Variants in GBP1 observed in about 807,000 individuals in gnomAD.
The protein encoded by GBP1 is guanylate binding protein 1.
In GBP1, 64 loss-of-function variants were observed where a neutral mutation model predicts 69.5. The ratio of observed to expected loss-of-function variants is 0.92; its 90% CI spans 0.75 to 1.13. GBP1 has a LOEUF of 1.13. Among genes scored for constraint, GBP1 ranks in the 50% most tolerant of loss-of-function variants. The pLI is 0.00. For synonymous variants in GBP1, 250 were observed against 261.2 expected, an observed-to-expected ratio of 0.96 and a Z score of 0.41; for missense variants, 630 against 704.1, an observed-to-expected ratio of 0.89 and a Z score of 1.19.
At position 89,056,837 on chromosome 1, in the gene GBP1, T is replaced by A. The variant is rs1273814922; in HGVS notation, c.1155+17A>T. The A allele has an allele frequency of 6.2e-7, 1 of 1,612,712 alleles. No homozygotes were observed. Among genetic ancestry groups the A allele is most frequent in the South Asian group, 1.1e-5 (1 of 91,040 alleles). On this transcript the variant is annotated intron_variant, in intron 7 of 10. Coordinates refer to ENST00000370473, the MANE Select transcript of GBP1 (RefSeq NM_002053.3). ...CTTCTATGACCCTAAACCGTATACA[T>A]TTGAGACAAAAATTACCGCTAACTC...
intron 5 of GBP1, 123 bp downstream of exon 5, chr1:89,058,718 C>G: frequency 1.1e-6 from 1 of 925,300 alleles, no homozygotes; most frequent in Non-Finnish European, 1.7e-6. Flanking sequence ...GTATTAATTT[C>G]TAGGAATAGC....
In GBP1 at chr1:89,057,995, G is replaced by T; in HGVS notation, c.871C>A (p.Pro291Thr). ...AAGTACTAGGAAGGGGACTTACGAG[G>T]CCCGTTGACCTGGATGCCTCCTGAA... ...TLSGGIQVNG[P>T]RLESLVLTYV... Residue 291 changes from proline to threonine, a missense_variant, in exon 6 of 11, where the codon CCT becomes ACT. Pro to Thr is a conservative substitution (Grantham distance 38). Around this residue, in one of 5 missense-constraint regions of GBP1, gnomAD observed 367 missense variants for 369.5 expected, o/e 0.99. Transcript: ENST00000370473. 1.9e-6 allele frequency: 3 copies of T among 1,610,256 alleles called. No homozygotes were observed. The highest frequency in any genetic ancestry group is 2.2e-5 in the East Asian group (1 of 44,826).
chr1:89,054,427 G>C (rs1309802096), intron 10 of GBP1, among the ~76,000 whole-genome samples: 1 of 152,142 alleles, frequency 6.6e-6, no homozygotes, highest in Admixed American at 6.5e-5. Flanking sequence ...ATGATGCCTA[G>C]CAGATAATAG....
In GBP1 at chr1:89,059,044, C is replaced by G; in HGVS notation, c.429-1G>C. ...TCTATGTGTCAGCTCTGTCACATAG[C>G]TGAGTAGCTAACTAAGGAAATGTGA... On this transcript the variant is annotated splice_acceptor_variant, in intron 4 of 10. Coordinates refer to ENST00000370473, the MANE Select transcript of GBP1 (RefSeq NM_002053.3). LOFTEE classifies it high-confidence loss of function. The G allele has an allele frequency of 2.5e-6, 4 of 1,614,148 alleles. No individual in the cohort carries two copies. The highest frequency in any genetic ancestry group is 3.4e-6 in the Non-Finnish European group (4 of 1,180,016).
chr1:89,057,909 T>C (rs527544203), intron 6 of GBP1, 83 bp downstream of exon 6: 3 of 1,405,902 alleles, frequency 2.1e-6, no homozygotes, highest in South Asian at 1.5e-5. Flanking sequence ...GATTGGGATT[T>C]TTCAATGCTG....
intron 9 of GBP1, 79 bp from the exon 10 acceptor site, chr1:89,054,954 T>C: frequency 2.0e-6 from 3 of 1,520,088 alleles, no homozygotes; most frequent in Non-Finnish European, 2.7e-6. Context: ...TTACCTGTCG[T>C]TGTTGCTGAC....
intron 4 of GBP1, 122 bp from the exon 5 acceptor site, chr1:89,059,165 A>T: frequency 6.3e-7 from 1 of 1,587,178 alleles, no homozygotes. Flanking sequence ...GTCAGTTCTA[A>T]AGTGGATACA....
At chr1:89,064,424 G>A (rs1680285390) in intron 1 of GBP1, among the ~76,000 whole-genome samples, 1 of 152,096 alleles carries the variant, frequency 6.6e-6, no homozygotes, top group African/African-American at 2.4e-5. Flanking sequence ...CATTACAGGA[G>A]AATTAAAGAG....
chr1:89,055,086 C>T (rs988978127), intron 9 of GBP1, 27 bp downstream of exon 9: 1 of 1,591,596 alleles, frequency 6.3e-7, no homozygotes, highest in African/African-American at 1.4e-5. Context: ...CTTTTGAGGC[C>T]ATCTAATCTC....
chr1:89,059,062 A>C lies in GBP1; in HGVS notation c.429-19T>G. 1 of 1,613,884 alleles carries C rather than the reference A, an allele frequency of 6.2e-7. No homozygotes were observed. The highest frequency in any genetic ancestry group is 8.5e-7 in the Non-Finnish European group (1 of 1,179,814). Reference sequence around the variant, plus strand: ...CACATAGCTGAGTAGCTAACTAAGGAAATGTGACAAAATGAACAGGGACCT... The same window carrying C: ...CACATAGCTGAGTAGCTAACTAAGGCAATGTGACAAAATGAACAGGGACCT... On this transcript the variant is annotated intron_variant, in intron 4 of 10. Transcript: ENST00000370473.
chr1:89,055,393 TC>T, intron 8 of GBP1, 178 bp from the exon 9 acceptor site: 1 of 1,020,664 alleles, frequency 9.8e-7, no homozygotes, highest in Non-Finnish European at 1.4e-6. Flanking sequence ...GATCAGAACA[TC>T]CTACTTAGCA....
intron 1 of GBP1, among the ~76,000 whole-genome samples, chr1:89,063,936 G>C (rs2101237076): frequency 6.6e-6 from 1 of 152,272 alleles, no homozygotes; most frequent in Admixed American, 6.5e-5. Context: ...AGCTTCATTA[G>C]AGTCACGATA....
chr1:89,054,585 C>T, intron 10 of GBP1, 97 bp downstream of exon 10: 1 of 1,125,232 alleles, frequency 8.9e-7, no homozygotes, highest in East Asian at 2.4e-5. Context: ...GGTCCTTACC[C>T]TGGGCTTCAT....
At chr1:89,059,974 T>A (rs998661805) in intron 3 of GBP1, among the ~76,000 whole-genome samples, 6 of 152,234 alleles carry the variant, frequency 3.9e-5, no homozygotes, top group African/African-American at 1.4e-4. Context: ...GTGACAGAAT[T>A]TAAATTTAAA....
Position 89,063,036 on chromosome 1 carries a change from G to A in GBP1, c.190+9C>T. ...AGGGACTTGGCAGAGCTTTGCTCAT[G>A]CCACTCACCCTTTTTCTTTCCAGCC... On this transcript the variant is annotated intron_variant, in intron 2 of 10. Transcript: ENST00000370473. 2 of 1,613,944 alleles carry A rather than the reference G, an allele frequency of 1.2e-6. No homozygotes were observed. The highest frequency in any genetic ancestry group is 2.2e-5 in the South Asian group (2 of 91,084).
chr1:89,058,057 C>G lies in GBP1; in HGVS notation c.809G>C (p.Cys270Ser). 1.9e-6 allele frequency: 3 copies of G among 1,614,120 alleles called. No individual in the cohort carries two copies. Among genetic ancestry groups the G allele is most frequent in the Non-Finnish European group, 2.5e-6 (3 of 1,180,004 alleles). Residue 270 changes from cysteine (C) to serine (S), a missense_variant, in exon 6 of 11, where the codon TGT becomes TCT. By Grantham distance (112) the Cys-to-Ser change is moderately radical. Transcript: ENST00000370473. Reference sequence around the variant, plus strand: ...TTTGGAATTACTAAAGATGTAGGAACAGAAGTCTGCTACTTGTTGCACAAA... The same window carrying G: ...TTTGGAATTACTAAAGATGTAGGAAGAGAAGTCTGCTACTTGTTGCACAAA... ...PEFVQQVADF[C>S]SYIFSNSKTK... is the part of the protein sequence containing the mutation.
intron 2 of GBP1, among the ~76,000 whole-genome samples, chr1:89,061,797 T>A (rs1680205258): frequency 6.6e-6 from 1 of 151,860 alleles, no homozygotes; most frequent in African/African-American, 2.4e-5. Flanking sequence ...TATAAAAAAA[T>A]TTACAAAGCA....
At chr1:89,062,306 C>G (rs759240131) in intron 2 of GBP1, among the ~76,000 whole-genome samples, 2 of 152,166 alleles carry the variant, frequency 1.3e-5, no homozygotes, top group African/African-American at 2.4e-5. Context: ...TTAGTATACA[C>G]GTACAATTAC....
At position 89,054,717 on chromosome 1, in the gene GBP1, T is replaced by C. The variant is rs146127934; in HGVS notation, c.1630A>G (p.Lys544Glu). The change falls in exon 10 of 11, where the codon AAA becomes GAA. Residue 544 changes from lysine to glutamate, a missense_variant. Coordinates refer to ENST00000370473, the MANE Select transcript of GBP1 (RefSeq NM_002053.3). ...KMENDRVQLLKEQERTLALKL... is the reference protein window; with the variant it reads ...KMENDRVQLLEEQERTLALKL... ...AGAGCGAGGGTCCTCTCTTGCTCTT[T>C]CAGCAACTGGACCCTGTCGTTCTCC... 4.8e-5 allele frequency: 77 copies of C among 1,614,204 alleles called. No individual in the cohort carries two copies. Among genetic ancestry groups the C allele is most frequent in the Middle Eastern group, 3.3e-4 (2 of 6,060 alleles).
Sources: gnomAD v4.1 joint callset for allele counts (sites outside exome capture counted in the v4.1 genomes callset) on GRCh38, gnomAD v4.1.1 for gene constraint, gnomAD v4.1.1 regional missense constraint, MANE v1.5 for transcripts, NCBI Gene and HGNC (gene_info 2026-07-23, HGNC 2026-07-21) for gene names.